The following FDFT1 variants were observed in gnomAD, a reference collection of about 807,000 sequenced individuals.
The protein encoded by FDFT1 is farnesyl-diphosphate farnesyltransferase 1.
Under a neutral mutation model 46.8 loss-of-function variants are expected in FDFT1, and 68 were observed. That is an observed-to-expected ratio of 1.45 (90% CI 1.19 to 1.78). The LOEUF is 1.78. Among genes scored for constraint, FDFT1 ranks in the 40% most tolerant of loss-of-function variants. The pLI, the probability that FDFT1 is intolerant of heterozygous loss-of-function variation, is 0.00. For synonymous variants in FDFT1, 351 were observed against 185.1 expected, an observed-to-expected ratio of 1.90 and a Z score of -7.28; for missense variants, 928 against 524.4, an observed-to-expected ratio of 1.77 and a Z score of -7.52.
chr8:11,796,620 T>C (rs776923058), intron 1 of FDFT1, among the ~76,000 whole-genome samples: 1 of 152,216 alleles, frequency 6.6e-6, no homozygotes, highest in East Asian at 1.9e-4. Context: ...TGGAGGCTTC[T>C]GGCCTGGGGA....
chr8:11,832,551 C>CAAAAAAAAAAAAAAAAAAAAAAAAAAA (rs531759815), intron 7 of FDFT1, among the ~76,000 whole-genome samples: 4 of 36,358 alleles, frequency 1.1e-4, no homozygotes, highest in East Asian at 8.9e-4. Flanking sequence ...GACTTTGTCT[C>CAAAAAAAAAAAAAAAAAAAAAAAAAAA]AAAAAAAAAA....
rs1278000187 is a variant in FDFT1 at position 11,808,855 on chromosome 8, T to C, written c.161T>C (p.Phe54Ser). 4 of 1,614,112 alleles carry C rather than the reference T, an allele frequency of 2.5e-6. No individual in the cohort carries two copies. Among genetic ancestry groups the C allele is most frequent in the Non-Finnish European group, 3.4e-6 (4 of 1,179,998 alleles). ...YKYLNQTSRS[F>S]AAVIQALDGE... ...TATCTCAATCAGACCAGTCGCAGTT[T>C]CGCAGCTGTTATCCAGGCGCTGGAT... The change falls in exon 2 of 8, where the codon TTC becomes TCC. Residue 54 changes from phenylalanine (F) to serine (S), a missense_variant. Phe to Ser is a radical substitution (Grantham distance 155, BLOSUM62 -2). Coordinates refer to ENST00000220584, the MANE Select transcript of FDFT1 (RefSeq NM_004462.5).
At chr8:11,802,024 G>C (rs1472278147), upstream of FDFT1, 6 of 456,044 alleles carry the variant, frequency 1.3e-5, no homozygotes, top group Admixed American at 1.2e-4. Context: ...GAGAGATCTA[G>C]GATGAGAGAA....
chr8:11,814,310 T>TTA (rs1472663438), intron 3 of FDFT1, among the ~76,000 whole-genome samples: 1 of 151,928 alleles, frequency 6.6e-6, no homozygotes, highest in African/African-American at 2.4e-5. Flanking sequence ...GTTTTTTTTT[T>TTA]TTTTTTTGGA....
At chr8:11,795,781 C>T (rs982473426) in exon 1 of FDFT1, 1 of 152,414 alleles carries the variant, frequency 6.6e-6, no homozygotes, top group Non-Finnish European at 1.5e-5. Context: ...GACTTAAGAG[C>T]TGTAATACTC....
At position 11,809,729 on chromosome 8, in the gene FDFT1, C is replaced by T. The variant is rs200217031; in HGVS notation, c.260C>T (p.Thr87Ile). The T allele has an allele frequency of 1.2e-6, 2 of 1,613,922 alleles. No homozygotes were observed. The highest frequency in any genetic ancestry group is 1.3e-5 in the African/African-American group (1 of 74,896). The stretch of plus-strand genomic sequence containing the variant: ...CTGGACACACTGGAAGATGACATGA[C>T]CATCAGTGTGGAAAAGAAGGTCCCG... Reference protein sequence around the residue: ...RALDTLEDDMTISVEKKVPLL... With the variant: ...RALDTLEDDMIISVEKKVPLL... Residue 87 changes from threonine to isoleucine, a missense_variant, in exon 3 of 8, where the codon ACC (threonine) becomes ATC (isoleucine). Physicochemically the swap from Thr to Ile is moderately conservative, Grantham distance 89. Coordinates refer to ENST00000220584, the MANE Select transcript of FDFT1 (RefSeq NM_004462.5).
In FDFT1 at chr8:11,826,115, C is replaced by A; in HGVS notation, c.602C>A (p.Thr201Lys). 2 of 1,609,912 alleles carry A rather than the reference C, an allele frequency of 1.2e-6. No homozygotes were observed. Among genetic ancestry groups the A allele is most frequent in the Admixed American group, 1.7e-5 (1 of 59,944 alleles). ...GAAGACCCCTTAGTTGGTGAAGATACAGAACGTGCCAACTCTATGGGCCTG... is the reference window on the plus strand; with the variant it reads ...GAAGACCCCTTAGTTGGTGAAGATAAAGAACGTGCCAACTCTATGGGCCTG... ...EFEDPLVGEDTERANSMGLFL... is the reference protein window; with the variant it reads ...EFEDPLVGEDKERANSMGLFL... The change falls in exon 5 of 8, where the codon ACA (threonine) becomes AAA (lysine). Residue 201 changes from threonine (T) to lysine (K), a missense_variant. By Grantham distance (78) the Thr-to-Lys change is moderately conservative (BLOSUM62 -1). Transcript: ENST00000220584.
intron 7 of FDFT1, among the ~76,000 whole-genome samples, chr8:11,835,930 G>T (rs2645454): frequency 0.97 from 138,562 of 142,208 alleles, 67,598 homozygotes; most frequent in East Asian, 1. Context: ...GGTCAGGAGT[G>T]CGAAACCAGC....
chr8:11,810,417 G>C (rs954796769), intron 3 of FDFT1, among the ~76,000 whole-genome samples: 1 of 152,176 alleles, frequency 6.6e-6, no homozygotes, highest in African/African-American at 2.4e-5. Flanking sequence ...CAGCTAGGGC[G>C]AGCCTCTGCC....
intron 3 of FDFT1, among the ~76,000 whole-genome samples, chr8:11,813,690 C>G (rs1259385948): frequency 2.6e-5 from 4 of 152,186 alleles, no homozygotes; most frequent in Admixed American, 6.5e-5. Context: ...TTTGGCCTTT[C>G]TCCATTATCC....
chr8:11,830,308 T>C lies in FDFT1; in HGVS notation c.767T>C (p.Val256Ala). 1 of 1,613,928 alleles carries C rather than the reference T, an allele frequency of 6.2e-7. No homozygotes were observed. Among genetic ancestry groups the C allele is most frequent in the South Asian group, 1.1e-5 (1 of 91,076 alleles). The change falls in exon 6 of 8, where the codon GTG (valine) becomes GCG (alanine). Residue 256 changes from valine to alanine, a missense_variant. Val to Ala is a moderately conservative substitution (Grantham distance 64, BLOSUM62 0). Coordinates refer to ENST00000220584, the MANE Select transcript of FDFT1 (RefSeq NM_004462.5). ...AAGCCGGAGAATATTGACTTGGCCG[T>C]GCAGTGCCTGAATGAACTTATAACC... Reference protein sequence around the residue: ...FAKPENIDLAVQCLNELITNA... With the variant: ...FAKPENIDLAAQCLNELITNA...
rs763841409 is a variant in FDFT1, at chr8:11,838,482, T to G, written c.1127T>G (p.Leu376Arg). 4 of 1,606,014 alleles carry G rather than the reference T, an allele frequency of 2.5e-6. No homozygotes were observed. The highest frequency in any genetic ancestry group is 3.4e-6 in the Non-Finnish European group (4 of 1,175,062). The change falls in exon 8 of 8, where the codon CTG becomes CGG. Residue 376 changes from leucine to arginine, a missense_variant. Coordinates refer to ENST00000220584, the MANE Select transcript of FDFT1 (RefSeq NM_004462.5). ...IRTQNLPNCQ[L>R]ISRSHYSPIY... ...ACGCAGAATCTTCCCAACTGTCAGC[T>G]GATTTCCCGAAGCCACTACTCCCCC...
intron 7 of FDFT1, among the ~76,000 whole-genome samples, chr8:11,836,609 T>G (rs759970218): frequency 6.6e-6 from 1 of 152,250 alleles, no homozygotes; most frequent in Non-Finnish European, 1.5e-5. Flanking sequence ...AATGGCTGCA[T>G]GCAAGCTTTT....
At position 11,812,471 on chromosome 8, in the gene FDFT1, A is replaced by G. The variant is rs554930533; in HGVS notation, c.381+2621A>G. On this transcript the variant is annotated intron_variant, in intron 3 of 7. Transcript: ENST00000220584. Reference sequence around the variant, plus strand: ...CTGGAGAGAGCGGGATTCAGGAAGCAGTGGAAGGGAAGAGCCTGGGATATG... The same window carrying G: ...CTGGAGAGAGCGGGATTCAGGAAGCGGTGGAAGGGAAGAGCCTGGGATATG... 1.4e-4 allele frequency among the ~76,000 whole-genome samples: 21 copies of G among 152,264 alleles called. No homozygotes were observed. In the South Asian group the frequency reaches 2.9e-3, roughly 21 times the overall value.
At chr8:11,798,613 A>AT (rs1805801880), upstream of FDFT1, among the ~76,000 whole-genome samples, 1 of 152,240 alleles carries the variant, frequency 6.6e-6, no homozygotes, top group Non-Finnish European at 1.5e-5. Flanking sequence ...GAGGCTGTTA[A>AT]CGCTATCCAC....
chr8:11,802,593 G>C, upstream of FDFT1: 1 of 625,556 alleles, frequency 1.6e-6, no homozygotes, highest in South Asian at 1.6e-5. Flanking sequence ...GGTCTTCCTA[G>C]TGTGAGCGGC....
At chr8:11,812,201 G>A (rs1807809657) in intron 3 of FDFT1, among the ~76,000 whole-genome samples, 1 of 152,310 alleles carries the variant, frequency 6.6e-6, no homozygotes, top group South Asian at 2.1e-4. Flanking sequence ...GCTCTCGTGG[G>A]CTCTCCTTCT....
chr8:11,815,044 G>A (rs975742505), intron 3 of FDFT1, among the ~76,000 whole-genome samples: 1 of 152,054 alleles, frequency 6.6e-6, no homozygotes, highest in African/African-American at 2.4e-5. Flanking sequence ...ACAGGCCCCG[G>A]TATGTGATGT....
intron 1 of FDFT1, chr8:11,803,226 G>A (rs1806367399): frequency 5.0e-6 from 7 of 1,395,500 alleles, no homozygotes; most frequent in Non-Finnish European, 6.6e-6. Context: ...GCGCTTACCG[G>A]TATTTTAACC....
Sources: allele counts gnomAD v4.1 joint callset (sites outside exome capture counted in the v4.1 genomes callset), GRCh38; gene constraint gnomAD v4.1.1; transcripts MANE v1.5; gene names NCBI Gene and HGNC (gene_info 2026-07-23, HGNC 2026-07-21).